FAM107B: variants seen among roughly 807,000 people sequenced by gnomAD.
FAM107B encodes the protein protein FAM107B.
Under a neutral mutation model 31.5 loss-of-function variants are expected in FAM107B, and 21 were observed. The ratio of observed to expected loss-of-function variants is 0.67; its 90% confidence interval spans 0.47 to 0.96. The LOEUF is 0.96. FAM107B is among the 40% of genes least tolerant of loss of function. FAM107B has a pLI of 0.00. For synonymous variants in FAM107B, 157 were observed against 141.5 expected (o/e 1.11, Z -0.78); for missense variants, 452 against 377.1 (o/e 1.20, Z -1.64).
intron 1 of FAM107B, among the ~76,000 whole-genome samples, chr10:14,686,690 C>T (rs961992516): frequency 4.6e-5 from 7 of 152,352 alleles, no homozygotes; most frequent in African/African-American, 1.7e-4. Flanking sequence ...GGCAACCCAA[C>T]CTCTTTTCCT....
At chr10:14,559,650 C>T (rs989547188) in intron 2 of FAM107B, among the ~76,000 whole-genome samples, 1 of 151,226 alleles carries the variant, frequency 6.6e-6, no homozygotes, top group Non-Finnish European at 1.5e-5. Flanking sequence ...GCTCACTGCA[C>T]GCTCCGCCTC....
chr10:14,656,121 G>A (rs898132570), intron 2 of FAM107B, among the ~76,000 whole-genome samples: 14 of 152,144 alleles, frequency 9.2e-5, no homozygotes, highest in Non-Finnish European at 1.9e-4. Context: ...TTTAGGACAA[G>A]TCCTTTAATG....
chr10:14,719,652 G>C (rs1350368119), intron 1 of FAM107B, among the ~76,000 whole-genome samples: 1 of 152,144 alleles, frequency 6.6e-6, no homozygotes, highest in Non-Finnish European at 1.5e-5. Context: ...GGATTCGAGG[G>C]GGAGAGAAAG....
chr10:14,706,943 G>A (rs529670295), intron 1 of FAM107B, among the ~76,000 whole-genome samples: 103 of 152,184 alleles, frequency 6.8e-4, no homozygotes, highest in African/African-American at 2.4e-3. Flanking sequence ...TGGCTAACAC[G>A]GTGAAACCCC....
intron 2 of FAM107B, among the ~76,000 whole-genome samples, chr10:14,570,801 C>A (rs1201284499): frequency 2.8e-5 from 4 of 145,438 alleles, no homozygotes; most frequent in African/African-American, 2.5e-5. Flanking sequence ...GACTCCATCT[C>A]AAAAAAAAAA....
chr10:14,627,328 C>A, intron 2 of FAM107B, among the ~76,000 whole-genome samples: 1 of 152,200 alleles, frequency 6.6e-6, no homozygotes, highest in East Asian at 1.9e-4. Context: ...AGAATATTAT[C>A]ATTAGAATGG....
At chr10:14,542,175 C>T (rs1310341226) in intron 2 of FAM107B, among the ~76,000 whole-genome samples, 1 of 150,894 alleles carries the variant, frequency 6.6e-6, no homozygotes, top group Admixed American at 6.6e-5. Context: ...GAGGCTGAGG[C>T]ACGAGAATCG....
intron 1 of FAM107B, among the ~76,000 whole-genome samples, chr10:14,750,470 G>A (rs1281013321): frequency 6.6e-6 from 1 of 152,066 alleles, no homozygotes; most frequent in Non-Finnish European, 1.5e-5. Flanking sequence ...AAATTAGCTG[G>A]GCGGGATGGT....
At chr10:14,697,187 A>G (rs1234023564) in intron 1 of FAM107B, among the ~76,000 whole-genome samples, 2 of 152,156 alleles carry the variant, frequency 1.3e-5, no homozygotes, top group Non-Finnish European at 2.9e-5. Flanking sequence ...TCAGCCCCTT[A>G]AAGAGGAGCT....
At chr10:14,743,990 G>T (rs778106494) in intron 1 of FAM107B, among the ~76,000 whole-genome samples, 38 of 152,286 alleles carry the variant, frequency 2.5e-4, no homozygotes, top group Non-Finnish European at 4.7e-4. Context: ...CATGAATATG[G>T]AATGTTTTTC....
At chr10:14,706,096 A>T (rs758558236) in intron 1 of FAM107B, among the ~76,000 whole-genome samples, 3 of 152,186 alleles carry the variant, frequency 2.0e-5, no homozygotes, top group African/African-American at 4.8e-5. Context: ...TGGCCTGATA[A>T]ACATTCTTTC....
chr10:14,532,576 GAATTAC>G (rs1338404626), intron 2 of FAM107B: 1 of 152,170 alleles, frequency 6.6e-6, no homozygotes, highest in Non-Finnish European at 1.5e-5. Flanking sequence ...ACTGAATTGA[GAATTAC>G]AAACCTCGCA....
rs565907467 is a variant in FAM107B, at chr10:14,771,542, G to C, written c.411+2711C>G. Among the ~76,000 whole-genome samples the C allele has an allele frequency of 8.1e-5, 12 of 147,510 alleles. No individual in the cohort carries two copies. In the East Asian group the frequency reaches 2.4e-3, roughly 29 times the overall value. ...AGGTGGTAGATATCCCAGTTACCCT[G>C]ATTTAATTACACATTTATACATGTA... On this transcript the variant is annotated intron_variant, in intron 1 of 4. Transcript: ENST00000181796.
chr10:14,564,496 CTTAT>C (rs1479335854), intron 2 of FAM107B, among the ~76,000 whole-genome samples: 1 of 149,240 alleles, frequency 6.7e-6, no homozygotes, highest in Non-Finnish European at 1.5e-5. Context: ...TACCTCACCA[CTTAT>C]TTGTTTAAAA....
chr10:14,621,945 A>T (rs4750542), intron 2 of FAM107B, among the ~76,000 whole-genome samples: 62,076 of 152,046 alleles, frequency 0.41, 13,222 homozygotes, highest in East Asian at 0.7. Context: ...AATATGTTCA[A>T]GTTGCTCTGT....
At chr10:14,559,468 CAAA>C (rs35061654) in intron 2 of FAM107B, among the ~76,000 whole-genome samples, 1 of 112,726 alleles carries the variant, frequency 8.9e-6, no homozygotes, top group Non-Finnish European at 1.9e-5. Flanking sequence ...GGTTCTCTTA[CAAA>C]AAAAAAAAAA....
rs752404794 is a variant in FAM107B, at chr10:14,522,024, G to A, written c.654-5C>T. The A allele has an allele frequency of 2.1e-5, 33 of 1,599,210 alleles. No individual in the cohort carries two copies. Among genetic ancestry groups the A allele is most frequent in the East Asian group, 4.5e-5 (2 of 44,844 alleles). The stretch of plus-strand genomic sequence containing the variant: ...TTGTTCTGAGGAGCAAGACCCCTGC[G>A]AAAGAGCATTAACAAAAATAGAAAA... On this transcript the variant is annotated splice_polypyrimidine_tract_variant and splice_region_variant and intron_variant, in intron 3 of 4. Coordinates refer to ENST00000181796, the MANE Select transcript of FAM107B (RefSeq NM_031453.4).
intron 2 of FAM107B, among the ~76,000 whole-genome samples, chr10:14,646,961 T>A (rs930371937): frequency 4.0e-4 from 60 of 151,746 alleles, no homozygotes; most frequent in African/African-American, 1.4e-3. Context: ...GCCTGGCTAA[T>A]TTTTTTGTAT....
chr10:14,581,693 G>A (rs1422954182), intron 2 of FAM107B, among the ~76,000 whole-genome samples: 1 of 152,196 alleles, frequency 6.6e-6, no homozygotes, highest in Non-Finnish European at 1.5e-5. Context: ...TTGAGGTCAA[G>A]AGTTGGAGAA....
Sources: gnomAD v4.1 joint callset for allele counts (sites outside exome capture counted in the v4.1 genomes callset) on GRCh38, gnomAD v4.1.1 for gene constraint, MANE v1.5 for transcripts, NCBI Gene and HGNC (gene_info 2026-07-23, HGNC 2026-07-21) for gene names.